The following ANO1 variants were observed in gnomAD, a reference collection of about 807,000 sequenced individuals.
The protein encoded by ANO1 is anoctamin 1.
ANO1 carries 59 observed loss-of-function variants against 124.0 expected under a neutral mutation model. That is an observed-to-expected ratio of 0.48 (90% CI 0.39 to 0.59). The LOEUF is 0.59. ANO1 is among the 20% of genes least tolerant of loss of function. The probability of loss-of-function intolerance (pLI) is 0.00; values close to 1 mark genes in which losing one functional copy is unlikely to be tolerated. For synonymous variants in ANO1, 529 were observed against 532.0 expected (o/e 0.99, Z 0.08); for missense variants, 1,059 against 1,328.0 (o/e 0.80, Z 3.15).
intron 1 of ANO1, among the ~76,000 whole-genome samples, chr11:70,014,169 G>A (rs1307690304): frequency 2.0e-5 from 3 of 152,098 alleles, no homozygotes; most frequent in Non-Finnish European, 4.4e-5. Flanking sequence ...TATCAACTGG[G>A]GGGGAAGCAC....
chr11:70,115,646 A>T (rs565559161), intron 7 of ANO1, among the ~76,000 whole-genome samples: 2 of 151,858 alleles, frequency 1.3e-5, no homozygotes, highest in Non-Finnish European at 2.9e-5. Flanking sequence ...AAACAAACAA[A>T]AAAAACTATT....
chr11:70,009,348 C>T (rs1856549346), intron 1 of ANO1, among the ~76,000 whole-genome samples: 1 of 152,118 alleles, frequency 6.6e-6, no homozygotes, highest in Non-Finnish European at 1.5e-5. Context: ...CCTTGAAACT[C>T]TCAGAGGAGG....
intron 16 of ANO1, among the ~76,000 whole-genome samples, chr11:70,159,555 A>T (rs112226203): frequency 8.5e-5 from 13 of 152,354 alleles, no homozygotes; most frequent in African/African-American, 2.9e-4. Context: ...TCAGCGAACA[A>T]ACGTTGGTTG....
In ANO1 at chr11:70,175,014, G is replaced by A. The variant is rs374907703; in HGVS notation, c.2350+3975G>A. Among the ~76,000 whole-genome samples, 97 of 125,692 alleles carry A rather than the reference G, an allele frequency of 7.7e-4. No individual in the cohort carries two copies. The East Asian group carries it at 0.019, about 24-fold the overall frequency. The allele number at this position is 125,692 out of a possible 152,430, so 82.5% of individuals were successfully genotyped here. On this transcript the variant is annotated intron_variant, in intron 22 of 25. Coordinates refer to ENST00000355303, the MANE Select transcript of ANO1 (RefSeq NM_018043.7). ...AGGCAGCCGACAGTACCCCACCCCC[G>A]CCCGCCACCTGCCACATCACAGTGC...
intron 1 of ANO1, among the ~76,000 whole-genome samples, chr11:70,019,237 A>ACCCC (rs200316253): frequency 2.9e-5 from 2 of 68,678 alleles, no homozygotes; most frequent in African/African-American, 9.5e-5. Context: ...GGAAAGAAGA[A>ACCCC]CCCCCCCACA....
chr11:70,128,404 C>T (rs1016658719), intron 10 of ANO1, among the ~76,000 whole-genome samples: 1 of 152,220 alleles, frequency 6.6e-6, no homozygotes, highest in African/African-American at 2.4e-5. Context: ...AGGATTCTCC[C>T]CATGAGCCCT....
chr11:70,145,301 G>T (rs930991742), intron 11 of ANO1, among the ~76,000 whole-genome samples: 11 of 152,192 alleles, frequency 7.2e-5, no homozygotes, highest in African/African-American at 2.7e-4. Flanking sequence ...GCCCACAAAA[G>T]CCAGACAATA....
intron 1 of ANO1, among the ~76,000 whole-genome samples, chr11:70,043,234 A>G (rs1025237257): frequency 1.3e-5 from 2 of 152,190 alleles, no homozygotes; most frequent in Non-Finnish European, 2.9e-5. Context: ...AGGGTACGGC[A>G]GAAGAAAGGA....
chr11:70,060,716 C>T (rs1283603154), intron 1 of ANO1, among the ~76,000 whole-genome samples: 1 of 152,186 alleles, frequency 6.6e-6, no homozygotes. Context: ...GCTGCCACCA[C>T]ACGCAGACAT....
chr11:70,053,459 A>T (rs1259383207), intron 1 of ANO1, among the ~76,000 whole-genome samples: 1 of 152,072 alleles, frequency 6.6e-6, no homozygotes, highest in Non-Finnish European at 1.5e-5. Context: ...CACAGGTGTT[A>T]AATTTTACCA....
chr11:70,097,199 A>G (rs1444148207), intron 2 of ANO1, among the ~76,000 whole-genome samples: 2 of 152,218 alleles, frequency 1.3e-5, no homozygotes, highest in Non-Finnish European at 2.9e-5. Flanking sequence ...GCTGGGATTA[A>G]AGATGTCCAC....
intron 21 of ANO1, chr11:70,170,219 T>G: frequency 8.8e-6 from 4 of 453,274 alleles, no homozygotes; most frequent in South Asian, 4.7e-5. Flanking sequence ...GCAGGGCCAC[T>G]GCCACGTCCC....
At chr11:70,033,031 A>G (rs970668408) in intron 1 of ANO1, among the ~76,000 whole-genome samples, 4 of 152,160 alleles carry the variant, frequency 2.6e-5, no homozygotes, top group Admixed American at 6.5e-5. Flanking sequence ...TTCACGTGGT[A>G]CAAATTTGCA....
intron 25 of ANO1, 48 bp downstream of exon 25, chr11:70,185,743 GGGACCATCC>G: frequency 6.3e-7 from 1 of 1,584,792 alleles, no homozygotes; most frequent in Non-Finnish European, 8.7e-7. Context: ...GGAGCATTTA[GGGACCATCC>G]TGTGCCTACA....
intron 11 of ANO1, among the ~76,000 whole-genome samples, chr11:70,133,948 T>C (rs1005213194): frequency 6.6e-6 from 1 of 152,180 alleles, no homozygotes; most frequent in African/African-American, 2.4e-5. Flanking sequence ...TTCCTACCCT[T>C]CCGGAGACCC....
chr11:70,128,901 C>A (rs1050298263), intron 10 of ANO1, among the ~76,000 whole-genome samples: 1 of 152,240 alleles, frequency 6.6e-6, no homozygotes, highest in African/African-American at 2.4e-5. Flanking sequence ...GGCTCATGGG[C>A]AGGCCGTTGG....
intron 1 of ANO1, among the ~76,000 whole-genome samples, chr11:70,053,270 T>A (rs1448608321): frequency 6.6e-6 from 1 of 152,224 alleles, no homozygotes; most frequent in Non-Finnish European, 1.5e-5. Flanking sequence ...ACTTTTTATT[T>A]CTTTTTCTTG....
rs2045687077 is a variant in ANO1 at position 70,109,479 on chromosome 11, T to A, written c.799+1075T>A. ...CTAAGGCAAGGGGAGTGTGGAGGAG[T>A]CCCATCCAGGGTCAAAAGGACTGAG... On this transcript the variant is annotated intron_variant, in intron 6 of 25. Coordinates refer to ENST00000355303, the MANE Select transcript of ANO1 (RefSeq NM_018043.7). Among the ~76,000 whole-genome samples, 4 of 151,660 alleles carry A rather than the reference T, an allele frequency of 2.6e-5. No homozygotes were observed. In the South Asian group the frequency reaches 8.3e-4, roughly 32 times the overall value.
At chr11:70,182,898 C>A (rs2048983476) in intron 24 of ANO1, among the ~76,000 whole-genome samples, 1 of 152,058 alleles carries the variant, frequency 6.6e-6, no homozygotes, top group East Asian at 1.9e-4. Flanking sequence ...CACTTGAGCT[C>A]AGGAGTTAGA....
Sources: gnomAD v4.1 joint callset for allele counts (sites outside exome capture counted in the v4.1 genomes callset) on GRCh38, gnomAD v4.1.1 for gene constraint, MANE v1.5 for transcripts, NCBI Gene and HGNC (gene_info 2026-07-23, HGNC 2026-07-21) for gene names.